The following CTNND2 variants were observed in gnomAD, a reference collection of about 807,000 sequenced individuals.
CTNND2 encodes the protein catenin delta-2.
CTNND2 carries 22 observed loss-of-function variants against 144.4 expected under a neutral mutation model. That is an observed-to-expected ratio of 0.15 (90% CI 0.11 to 0.22). The LOEUF is 0.22. Ranked by LOEUF, CTNND2 falls within the 10% of genes least tolerant of loss-of-function variation. The probability of loss-of-function intolerance (pLI) is 1.00; values close to 1 mark genes in which losing one functional copy is unlikely to be tolerated. For missense variants in CTNND2, 1,353 were observed against 1,618.8 expected, an observed-to-expected ratio of 0.84 and a Z score of 2.82; for synonymous variants, 751 against 695.6, an observed-to-expected ratio of 1.08 and a Z score of -1.25.
chr5:11,167,449 T>C (rs926272847), intron 11 of CTNND2, among the ~76,000 whole-genome samples: 22 of 152,214 alleles, frequency 1.4e-4, no homozygotes, highest in African/African-American at 5.1e-4. Flanking sequence ...TGCTGTTGCA[T>C]ACAAGGCAAA....
chr5:11,690,771 A>G (rs1465270134), intron 2 of CTNND2, among the ~76,000 whole-genome samples: 16 of 147,352 alleles, frequency 1.1e-4, no homozygotes, highest in Middle Eastern at 3.4e-3. Flanking sequence ...AAAAAAAAAA[A>G]AAAGAAATCT....
At chr5:11,101,500 T>C (rs1002067985) in intron 14 of CTNND2, among the ~76,000 whole-genome samples, 5 of 152,222 alleles carry the variant, frequency 3.3e-5, no homozygotes, top group Admixed American at 1.3e-4. Flanking sequence ...GTAGAAATAC[T>C]TGATTTACAA....
At chr5:11,610,307 T>G (rs796210239) in intron 2 of CTNND2, among the ~76,000 whole-genome samples, 2 of 152,218 alleles carry the variant, frequency 1.3e-5, no homozygotes, top group African/African-American at 4.8e-5. Context: ...TCTCGCCTCA[T>G]ACACTGTAGC....
intron 1 of CTNND2, among the ~76,000 whole-genome samples, chr5:11,803,927 C>T (rs1364314324): frequency 6.6e-6 from 1 of 152,058 alleles, no homozygotes; most frequent in Non-Finnish European, 1.5e-5. Flanking sequence ...CTGGCAACCT[C>T]CATTTTTTTA....
Position 11,819,430 on chromosome 5 carries a change from A to AAGACAGAC in CTNND2, c.37+84379_37+84386dup, listed in dbSNP as rs57457496. Among the ~76,000 whole-genome samples, 326 of 151,786 alleles carry AAGACAGAC rather than the reference A, an allele frequency of 2.1e-3. 1 individual carries two copies. Among genetic ancestry groups the AAGACAGAC allele is most frequent in the African/African-American group, 6.9e-3 (284 of 41,356 alleles). On this transcript the variant is annotated intron_variant, in intron 1 of 21. Coordinates refer to ENST00000304623, the MANE Select transcript of CTNND2 (RefSeq NM_001332.4). ...AGCCTGGGTGACAGAGCAAGATTCC[A>AAGACAGAC]AGACAGACAGACAGACAGACAGACA...
intron 3 of CTNND2, among the ~76,000 whole-genome samples, chr5:11,558,739 T>G (rs533760775): frequency 2.6e-5 from 4 of 152,220 alleles, no homozygotes; most frequent in Non-Finnish European, 5.9e-5. Context: ...AACCTATAGC[T>G]TTGAGTGCAA....
intron 16 of CTNND2, among the ~76,000 whole-genome samples, chr5:11,079,263 C>T (rs1046579868): frequency 8.2e-6 from 1 of 121,672 alleles, no homozygotes. Flanking sequence ...CCCAAGATCA[C>T]CTGCACCCTT....
intron 10 of CTNND2, among the ~76,000 whole-genome samples, chr5:11,227,246 G>C (rs1740455121): frequency 6.6e-6 from 1 of 152,216 alleles, no homozygotes; most frequent in Non-Finnish European, 1.5e-5. Context: ...CACCTGCTCT[G>C]TGCTGGCAGT....
At chr5:11,870,294 G>T (rs1734989519) in intron 1 of CTNND2, among the ~76,000 whole-genome samples, 2 of 152,274 alleles carry the variant, frequency 1.3e-5, no homozygotes, top group Middle Eastern at 6.8e-3. Flanking sequence ...GGCTTGCGAT[G>T]CTGCTCAATA....
chr5:11,539,947 T>C (rs933782495), intron 3 of CTNND2, among the ~76,000 whole-genome samples: 1 of 151,994 alleles, frequency 6.6e-6, no homozygotes, highest in African/African-American at 2.4e-5. Context: ...GGCAGGAGAA[T>C]TGCTTGAACC....
intron 1 of CTNND2, among the ~76,000 whole-genome samples, chr5:11,761,892 A>G (rs2126806558): frequency 6.6e-6 from 1 of 152,318 alleles, no homozygotes; most frequent in East Asian, 1.9e-4. Flanking sequence ...GCAATGGGCA[A>G]ATTTGGAAAA....
intron 2 of CTNND2, among the ~76,000 whole-genome samples, chr5:11,613,944 A>C (rs1281692737): frequency 2.0e-5 from 3 of 152,200 alleles, no homozygotes; most frequent in East Asian, 1.9e-4. Context: ...AGTCTTGTTT[A>C]TTTTTTCATC....
In CTNND2 at chr5:11,384,529, G is replaced by GAA; in HGVS notation, c.1177+135_1177+136insTT. The GAA allele has an allele frequency of 1.4e-6, 1 of 724,646 alleles. No individual in the cohort carries two copies. The highest frequency in any genetic ancestry group is 2.2e-6 in the Non-Finnish European group (1 of 450,984). The allele number at this position is 724,646 out of a possible 1,614,324, so 44.9% of individuals were successfully genotyped here. On this transcript the variant is annotated intron_variant, in intron 7 of 21. Transcript: ENST00000304623. This position sits in a 1 kb window ranked among gnomAD's most constrained non-coding sequence, Gnocchi z 5.2. The stretch of plus-strand genomic sequence containing the variant: ...ACTGACTTGTTCCAGGAAAGCCCTG[G>GAA]CGTTCTCTGTCTCCTGCAACTACTA...
intron 3 of CTNND2, among the ~76,000 whole-genome samples, chr5:11,545,424 A>C (rs4702811): frequency 0.87 from 132,789 of 151,832 alleles, 58,135 homozygotes; most frequent in East Asian, 0.91. Context: ...GTAATCCCGG[A>C]ATTTTGGGAG....
At chr5:11,891,331 T>C (rs1736941711) in intron 1 of CTNND2, among the ~76,000 whole-genome samples, 1 of 152,196 alleles carries the variant, frequency 6.6e-6, no homozygotes, top group Non-Finnish European at 1.5e-5. Flanking sequence ...TCAGGAATTA[T>C]CATTCATTTA....
intron 9 of CTNND2, among the ~76,000 whole-genome samples, chr5:11,307,658 T>A (rs1184071423): frequency 1.3e-5 from 2 of 152,110 alleles, no homozygotes; most frequent in Non-Finnish European, 2.9e-5. Flanking sequence ...CATAAGAAAA[T>A]ATTAGTCTAA....
At chr5:11,329,817 G>C (rs1752897782) in intron 9 of CTNND2, among the ~76,000 whole-genome samples, 2 of 152,170 alleles carry the variant, frequency 1.3e-5, no homozygotes, top group Non-Finnish European at 2.9e-5. Flanking sequence ...CTCCTGCCAT[G>C]GTCCCAAAGC....
At chr5:11,780,884 T>TG (rs1216175218) in intron 1 of CTNND2, among the ~76,000 whole-genome samples, 1 of 152,194 alleles carries the variant, frequency 6.6e-6, no homozygotes, top group African/African-American at 2.4e-5. Flanking sequence ...CACTGCAAGC[T>TG]GGCCAGTGAT....
At chr5:11,479,798 T>C (rs1315068788) in intron 3 of CTNND2, among the ~76,000 whole-genome samples, 2 of 152,072 alleles carry the variant, frequency 1.3e-5, no homozygotes, top group African/African-American at 4.8e-5. Context: ...TGTATGTATG[T>C]CTTCTTTTGA....
Sources: gnomAD v4.1 joint callset for allele counts (sites outside exome capture counted in the v4.1 genomes callset) on GRCh38, gnomAD v4.1.1 for gene constraint, Gnocchi (gnomAD v3.1) non-coding constraint, MANE v1.5 for transcripts, NCBI Gene and HGNC (gene_info 2026-07-23, HGNC 2026-07-21) for gene names.